The following CDH4 variants were observed in gnomAD, a reference collection of about 807,000 sequenced individuals.
The protein encoded by CDH4 is cadherin-4.
Under a neutral mutation model 86.0 loss-of-function variants are expected in CDH4, and 33 were observed. The ratio of observed to expected loss-of-function variants is 0.38; its 90% CI spans 0.29 to 0.51. CDH4 has a LOEUF of 0.51. Among genes scored for constraint, CDH4 ranks in the 20% least tolerant of loss-of-function variants. The probability of loss-of-function intolerance (pLI) is 0.86; values close to 1 mark genes in which losing one functional copy is unlikely to be tolerated. For synonymous variants in CDH4, 555 were observed against 549.4 expected (o/e 1.01, Z -0.14); for missense variants, 1,114 against 1,307.4 (o/e 0.85, Z 2.28).
intron 2 of CDH4, among the ~76,000 whole-genome samples, chr20:61,490,054 C>T (rs997487995): frequency 1.3e-5 from 2 of 152,194 alleles, no homozygotes; most frequent in African/African-American, 2.4e-5. Flanking sequence ...ATGACCATCA[C>T]ATTGGTTCTT....
intron 5 of CDH4, among the ~76,000 whole-genome samples, chr20:61,847,773 G>C (rs1030671433): frequency 6.6e-6 from 1 of 152,106 alleles, no homozygotes; most frequent in African/African-American, 2.4e-5. Context: ...GACGTCCCAC[G>C]TGGCAGGAGT....
intron 2 of CDH4, among the ~76,000 whole-genome samples, chr20:61,343,427 G>A (rs2084659293): frequency 6.6e-6 from 1 of 152,260 alleles, no homozygotes; most frequent in Admixed American, 6.5e-5. Flanking sequence ...GAATAGTTAT[G>A]TGAGAAAATG....
chr20:61,605,194 G>C (rs2086633273), intron 2 of CDH4, among the ~76,000 whole-genome samples: 1 of 152,204 alleles, frequency 6.6e-6, no homozygotes, highest in Non-Finnish European at 1.5e-5. Flanking sequence ...AGGCAGCGAG[G>C]TATCTGCCAC....
In CDH4 at chr20:61,523,044, A is replaced by G. The variant is rs571588885; in HGVS notation, c.170-220519A>G. 5.9e-5 allele frequency among the ~76,000 whole-genome samples: 9 copies of G among 152,314 alleles called. No individual in the cohort carries two copies. The East Asian group carries it at 1.7e-3, about 30-fold the overall frequency. On this transcript the variant is annotated intron_variant, in intron 2 of 15. Transcript: ENST00000614565. ...AGGAGCAGAGGAAGGAGCAGGAGGG[A>G]GGGTGCCAGGGAAGGCAACCCACAC...
intron 2 of CDH4, among the ~76,000 whole-genome samples, chr20:61,558,863 C>T (rs1320951705): frequency 2.0e-5 from 3 of 152,204 alleles, no homozygotes; most frequent in Non-Finnish European, 2.9e-5. Context: ...CCGTGGTCCC[C>T]GTGGCGAGCA....
chr20:61,844,527 T>A, intron 4 of CDH4, 141 bp from the exon 5 acceptor site: 1 of 754,756 alleles, frequency 1.3e-6, no homozygotes, highest in South Asian at 2.3e-5. Flanking sequence ...CCAAAGTGGA[T>A]GAAAGATCAG....
At chr20:61,348,558 G>A (rs1365883293) in intron 2 of CDH4, among the ~76,000 whole-genome samples, 1 of 152,110 alleles carries the variant, frequency 6.6e-6, no homozygotes, top group Non-Finnish European at 1.5e-5. Context: ...TGAGCTTCCA[G>A]TGAGAGCTTC....
rs1980394273 is a variant in CDH4, at chr20:61,810,785, C to T, written c.577-33883C>T. Among the ~76,000 whole-genome samples the T allele has an allele frequency of 6.6e-6, 1 of 152,236 alleles. No homozygotes were observed. The highest frequency in any genetic ancestry group is 2.1e-4 in the South Asian group (1 of 4,828). On this transcript the variant is annotated intron_variant, in intron 4 of 15. Coordinates refer to ENST00000614565, the MANE Select transcript of CDH4 (RefSeq NM_001794.5). This position sits in a 1 kb window ranked among gnomAD's most constrained non-coding sequence, Gnocchi z 4.3. ...CAGGGCCCGCAGTCTGCAAGAACTCCTGGGACCCCCAGATGCCTCGGTGGT... is the reference window on the plus strand; with the variant it reads ...CAGGGCCCGCAGTCTGCAAGAACTCTTGGGACCCCCAGATGCCTCGGTGGT...
At chr20:61,535,283 C>T (rs1342106055) in intron 2 of CDH4, among the ~76,000 whole-genome samples, 1 of 152,192 alleles carries the variant, frequency 6.6e-6, no homozygotes. Context: ...AGCAGCCCTA[C>T]AGTGGGGCAG....
chr20:61,866,733 C>T (rs150831274), intron 6 of CDH4, among the ~76,000 whole-genome samples: 7 of 152,252 alleles, frequency 4.6e-5, no homozygotes, highest in Non-Finnish European at 8.8e-5. Context: ...TCCCGGTGAG[C>T]GTGTGCTAGT....
chr20:61,461,128 T>C (rs1182644456), intron 2 of CDH4, among the ~76,000 whole-genome samples: 1 of 151,998 alleles, frequency 6.6e-6, no homozygotes, highest in Non-Finnish European at 1.5e-5. Flanking sequence ...TGTTGGAACC[T>C]CCCCTTCCCC....
chr20:61,298,074 G>A (rs532564168), intron 2 of CDH4, among the ~76,000 whole-genome samples: 9 of 152,298 alleles, frequency 5.9e-5, no homozygotes, highest in Admixed American at 2.6e-4. Context: ...TTGTGCAGGC[G>A]GGTTCAGCAA....
At chr20:61,315,421 A>T (rs2084470926) in intron 2 of CDH4, among the ~76,000 whole-genome samples, 1 of 152,146 alleles carries the variant, frequency 6.6e-6, no homozygotes. Flanking sequence ...TGCCCTGATA[A>T]AAAAGACCAG....
intron 4 of CDH4, among the ~76,000 whole-genome samples, chr20:61,802,993 C>T (rs1341595131): frequency 6.6e-6 from 1 of 152,204 alleles, no homozygotes; most frequent in Non-Finnish European, 1.5e-5. Context: ...GCAGAGGAGG[C>T]GGCGTGTCTA....
chr20:61,538,065 C>T (rs1159608616), intron 2 of CDH4, among the ~76,000 whole-genome samples: 1 of 152,190 alleles, frequency 6.6e-6, no homozygotes, highest in Non-Finnish European at 1.5e-5. Flanking sequence ...TGTACAAAGC[C>T]AGGCCCCCGG....
At chr20:61,410,242 TCATCCACTCACACACGAATCCATC>T (rs1281138344) in intron 2 of CDH4, among the ~76,000 whole-genome samples, 2 of 152,034 alleles carry the variant, frequency 1.3e-5, no homozygotes, top group Non-Finnish European at 2.9e-5. Flanking sequence ...ACCCATCCAT[TCATCCACTCACACACGAATCCATC>T]CATCCACTCA....
intron 1 of CDH4, 147 bp from the exon 2 acceptor site, chr20:61,254,679 C>T: frequency 1.5e-6 from 1 of 651,378 alleles, no homozygotes. Context: ...GAGGAGCAGA[C>T]GGGGTATCGC....
intron 2 of CDH4, among the ~76,000 whole-genome samples, chr20:61,581,724 G>T (rs182077611): frequency 1.3e-4 from 20 of 152,312 alleles, no homozygotes; most frequent in Admixed American, 4.6e-4. Context: ...CATCAGCTCT[G>T]CCAGGGTCTT....
At chr20:61,321,938 T>G (rs993567688) in intron 2 of CDH4, among the ~76,000 whole-genome samples, 1 of 151,092 alleles carries the variant, frequency 6.6e-6, no homozygotes, top group Admixed American at 6.6e-5. Flanking sequence ...ATTATAATAA[T>G]AAATATTATA....
Sources: allele counts gnomAD v4.1 joint callset (sites outside exome capture counted in the v4.1 genomes callset), GRCh38; gene constraint gnomAD v4.1.1; non-coding constraint Gnocchi (gnomAD v3.1); transcripts MANE v1.5; gene names NCBI Gene and HGNC (gene_info 2026-07-23, HGNC 2026-07-21).